The following GPC5 variants were observed in gnomAD, a reference collection of about 807,000 sequenced individuals.
GPC5 encodes the protein glypican-5.
In GPC5, 47 loss-of-function variants were observed where a neutral mutation model predicts 53.9. That is an observed-to-expected ratio of 0.87 (90% CI 0.69 to 1.11). GPC5 has a LOEUF of 1.11. Ranked by LOEUF, GPC5 falls within the 50% of genes most tolerant of loss-of-function variation. The pLI is 0.00. For missense variants in GPC5, 748 were observed against 713.1 expected (o/e 1.05, Z -0.56); for synonymous variants, 286 against 263.3 (o/e 1.09, Z -0.84).
intron 7 of GPC5, among the ~76,000 whole-genome samples, chr13:92,500,793 A>G (rs1173865180): frequency 6.6e-6 from 1 of 152,212 alleles, no homozygotes; most frequent in African/African-American, 2.4e-5. Flanking sequence ...TCCACTCACC[A>G]CCTGCCTTAG....
intron 2 of GPC5, among the ~76,000 whole-genome samples, chr13:91,580,827 T>G (rs1370753406): frequency 2.0e-5 from 3 of 152,224 alleles, no homozygotes; most frequent in Admixed American, 1.3e-4. Flanking sequence ...TTAAGTTATT[T>G]TATGTATTAG....
chr13:91,947,429 A>T (rs945601986), intron 6 of GPC5, among the ~76,000 whole-genome samples: 21 of 151,838 alleles, frequency 1.4e-4, no homozygotes, highest in African/African-American at 3.6e-4. Flanking sequence ...TACAACCAGT[A>T]TATTGTTATT....
At chr13:92,529,678 C>T (rs965500119) in intron 7 of GPC5, among the ~76,000 whole-genome samples, 1 of 152,092 alleles carries the variant, frequency 6.6e-6, no homozygotes, top group Non-Finnish European at 1.5e-5. Context: ...TCTTCCTAAA[C>T]TATATAAGAA....
intron 7 of GPC5, among the ~76,000 whole-genome samples, chr13:92,848,328 T>G (rs1158221277): frequency 6.6e-6 from 1 of 152,200 alleles, no homozygotes; most frequent in Non-Finnish European, 1.5e-5. Flanking sequence ...GACCCCAGGT[T>G]CTTTCTACTA....
intron 6 of GPC5, among the ~76,000 whole-genome samples, chr13:92,110,671 C>T (rs1268075384): frequency 1.3e-5 from 2 of 152,154 alleles, no homozygotes; most frequent in Non-Finnish European, 2.9e-5. Context: ...ATAGTAGTCT[C>T]ATTTTAGTTC....
chr13:91,675,160 G>A (rs2035353006), intron 2 of GPC5, among the ~76,000 whole-genome samples: 2 of 138,706 alleles, frequency 1.4e-5, no homozygotes, highest in Admixed American at 7.0e-5. Flanking sequence ...AAAAACTCAG[G>A]GGAAAAAAAA....
chr13:91,932,057 C>A (rs1204674862), intron 6 of GPC5, among the ~76,000 whole-genome samples: 1 of 151,808 alleles, frequency 6.6e-6, no homozygotes, highest in Non-Finnish European at 1.5e-5. Context: ...CAAAAAAGTC[C>A]ACTGATCTAA....
At chr13:91,735,236 A>T (rs960318883) in intron 4 of GPC5, among the ~76,000 whole-genome samples, 1 of 151,186 alleles carries the variant, frequency 6.6e-6, no homozygotes, top group African/African-American at 2.5e-5. Flanking sequence ...CTTATTATAC[A>T]TAATACATAG....
At chr13:92,411,787 G>A (rs1178508315) in intron 7 of GPC5, among the ~76,000 whole-genome samples, 19 of 152,138 alleles carry the variant, frequency 1.2e-4, no homozygotes, top group Admixed American at 1.0e-3. Context: ...AAATCCATAT[G>A]TAAATTATCC....
At chr13:92,216,217 T>C (rs988742467) in intron 7 of GPC5, among the ~76,000 whole-genome samples, 21 of 152,206 alleles carry the variant, frequency 1.4e-4, no homozygotes, top group Non-Finnish European at 2.9e-4. Flanking sequence ...CAAAATACTG[T>C]AAGTGCAAAA....
At chr13:91,847,503 C>T (rs921058397) in intron 5 of GPC5, among the ~76,000 whole-genome samples, 8 of 152,080 alleles carry the variant, frequency 5.3e-5, no homozygotes, top group Non-Finnish European at 7.4e-5. Context: ...CTCTCAGCTG[C>T]TGAGTGTTAC....
intron 6 of GPC5, among the ~76,000 whole-genome samples, chr13:92,116,270 C>CAAA (rs56168628): frequency 1.3e-5 from 2 of 149,356 alleles, no homozygotes; most frequent in African/African-American, 5.0e-5. Flanking sequence ...AACAAACAAA[C>CAAA]AAAAAAAAAA....
chr13:91,805,362 T>A (rs1166575884), intron 5 of GPC5, among the ~76,000 whole-genome samples: 1 of 152,210 alleles, frequency 6.6e-6, no homozygotes, highest in African/African-American at 2.4e-5. Flanking sequence ...CTTTTATGCA[T>A]GTACTTACAA....
At chr13:92,044,110 T>C (rs1217635065) in intron 6 of GPC5, among the ~76,000 whole-genome samples, 1 of 152,158 alleles carries the variant, frequency 6.6e-6, no homozygotes, top group Admixed American at 6.5e-5. Context: ...GGTCCTGGCG[T>C]TATTCTTCTT....
At chr13:92,077,183 C>A (rs2041258619) in intron 6 of GPC5, among the ~76,000 whole-genome samples, 1 of 152,034 alleles carries the variant, frequency 6.6e-6, no homozygotes, top group Admixed American at 6.6e-5. Context: ...ATGTATAAAA[C>A]CAAGCTGTAC....
chr13:92,369,846 G>A (rs1314538940), intron 7 of GPC5, among the ~76,000 whole-genome samples: 1 of 152,034 alleles, frequency 6.6e-6, no homozygotes, highest in African/African-American at 2.4e-5. Flanking sequence ...TCTACCAAAG[G>A]CCAACAAGAA....
At chr13:91,883,913 GT>G (rs1470269129) in intron 5 of GPC5, among the ~76,000 whole-genome samples, 1 of 151,974 alleles carries the variant, frequency 6.6e-6, no homozygotes, top group Non-Finnish European at 1.5e-5. Flanking sequence ...CCCACTAGTT[GT>G]TTTTCCTGAT....
chr13:91,431,989 T>A lies in GPC5; in HGVS notation c.164-16772T>A, dbSNP rs13378154. On this transcript the variant is annotated intron_variant, in intron 1 of 7. Transcript: ENST00000377067. The stretch of plus-strand genomic sequence containing the variant: ...CATGTGCCAGATGGTTCAGAATATC[T>A]TCTTCAGCCCGGATTGCAGGAGCTG... Among the ~76,000 whole-genome samples the A allele has an allele frequency of 8.8e-3, 1,337 of 152,332 alleles. 23 individuals are homozygous for A. Among genetic ancestry groups the A allele is most frequent in the South Asian group, 0.079 (383 of 4,828 alleles).
chr13:92,708,857 C>CTT lies in GPC5; in HGVS notation c.1562-157383_1562-157382dup, dbSNP rs752130758. 8.8e-3 allele frequency among the ~76,000 whole-genome samples: 424 copies of CTT among 48,180 alleles called. 154 individuals carry two copies. Among genetic ancestry groups the CTT allele is most frequent in the Non-Finnish European group, 0.012 (283 of 24,284 alleles). 31.6% of individuals were successfully genotyped at this position (48,180 alleles called of 152,430 possible). ...CTAGCAGCATCTAGCTGGAAACCGC[C>CTT]TTTTTTTTTTTTTTTTTTTTTTTTT... On this transcript the variant is annotated intron_variant, in intron 7 of 7. Transcript: ENST00000377067.
Sources: allele counts gnomAD v4.1 joint callset (sites outside exome capture counted in the v4.1 genomes callset), GRCh38; gene constraint gnomAD v4.1.1; transcripts MANE v1.5; gene names NCBI Gene and HGNC (gene_info 2026-07-23, HGNC 2026-07-21).